PLXNA2: variants seen among roughly 807,000 people sequenced by gnomAD.
PLXNA2 encodes plexin A2.
In PLXNA2, 91 loss-of-function variants were observed where a neutral mutation model predicts 193.5. The ratio of observed to expected loss-of-function variants is 0.47; its 90% CI spans 0.40 to 0.56. The LOEUF (loss-of-function observed/expected upper bound fraction) is 0.56, where lower values mean the gene tolerates loss of function less well. PLXNA2 is among the 20% of genes least tolerant of loss of function. The probability of loss-of-function intolerance (pLI) is 0.00; values close to 1 mark genes in which losing one functional copy is unlikely to be tolerated. For synonymous variants in PLXNA2, 997 were observed against 1,027.3 expected (o/e 0.97, Z 0.56); for missense variants, 1,995 against 2,503.2 (o/e 0.80, Z 4.33).
intron 4 of PLXNA2, among the ~76,000 whole-genome samples, chr1:208,120,038 G>T (rs1335197176): frequency 1.3e-5 from 2 of 152,190 alleles, no homozygotes; most frequent in African/African-American, 2.4e-5. Flanking sequence ...TGGGGACAGG[G>T]GTCACTGGCC....
At chr1:208,168,410 A>G (rs1669377584) in intron 3 of PLXNA2, among the ~76,000 whole-genome samples, 1 of 152,232 alleles carries the variant, frequency 6.6e-6, no homozygotes, top group Non-Finnish European at 1.5e-5. Flanking sequence ...TCACTGATGT[A>G]TTCCTAACAT....
chr1:208,116,822 G>T (rs1416901837), intron 4 of PLXNA2, among the ~76,000 whole-genome samples: 1 of 152,128 alleles, frequency 6.6e-6, no homozygotes, highest in Non-Finnish European at 1.5e-5. Context: ...CAAGATTCAG[G>T]TTCATGATTC....
intron 24 of PLXNA2, 45 bp from the exon 25 acceptor site, chr1:208,039,029 G>A (rs748290518): frequency 3.6e-5 from 57 of 1,577,286 alleles, no homozygotes; most frequent in South Asian, 6.8e-5. Context: ...AGTTGAAGGA[G>A]TAGTTTGAGG....
chr1:208,031,187 C>G, intron 29 of PLXNA2: 1 of 1,033,128 alleles, frequency 9.7e-7, no homozygotes, highest in Non-Finnish European at 1.2e-6. Context: ...TTAGAACTGC[C>G]CCACTCAGAA....
rs1664900003 is a variant in PLXNA2 at position 208,042,372 on chromosome 1, G to T, written c.4018-6C>A. On this transcript the variant is annotated splice_polypyrimidine_tract_variant and splice_region_variant and intron_variant, in intron 21 of 31. Coordinates refer to ENST00000367033, the MANE Select transcript of PLXNA2 (RefSeq NM_025179.4). ...TGCTGCCCGTTTCCTTGTACCTGGG[G>T]TGGGGTGTGGTGGAGGCGACGCCCT... The T allele has an allele frequency of 1.2e-6, 2 of 1,611,384 alleles. No individual in the cohort carries two copies. Among genetic ancestry groups the T allele is most frequent in the South Asian group, 2.2e-5 (2 of 90,830 alleles).
chr1:208,133,525 T>C (rs1193063462), intron 4 of PLXNA2, among the ~76,000 whole-genome samples: 1 of 152,244 alleles, frequency 6.6e-6, no homozygotes. Flanking sequence ...TATCTACATA[T>C]GCAAATGACT....
chr1:208,055,744 G>T (rs180968334), intron 13 of PLXNA2, among the ~76,000 whole-genome samples: 2 of 152,236 alleles, frequency 1.3e-5, no homozygotes, highest in Non-Finnish European at 2.9e-5. Flanking sequence ...ATTTCATTTC[G>T]ATGTAATAAA....
chr1:208,056,533 G>A (rs1402324130), intron 13 of PLXNA2, among the ~76,000 whole-genome samples: 1 of 152,234 alleles, frequency 6.6e-6, no homozygotes, highest in Non-Finnish European at 1.5e-5. Context: ...AGCTGCCCCT[G>A]TGTGGAGCTA....
intron 7 of PLXNA2, among the ~76,000 whole-genome samples, chr1:208,096,398 C>T (rs1666888354): frequency 6.6e-6 from 1 of 152,144 alleles, no homozygotes; most frequent in African/African-American, 2.4e-5. Context: ...TGTTCCATTA[C>T]TGAAAGGATT....
chr1:208,182,031 C>T (rs893046284), intron 3 of PLXNA2, among the ~76,000 whole-genome samples: 33 of 111,288 alleles, frequency 3.0e-4, no homozygotes, highest in African/African-American at 8.7e-4. Flanking sequence ...TCTCTTTCAC[C>T]GTGGCCTGTT....
chr1:208,144,559 A>G lies in PLXNA2; in HGVS notation c.1372-2096T>C, dbSNP rs984078658. Among the ~76,000 whole-genome samples, 5 of 152,160 alleles carry G rather than the reference A, an allele frequency of 3.3e-5. 1 individual carries two copies. Among genetic ancestry groups the G allele is most frequent in the Admixed American group, 3.3e-4 (5 of 15,286 alleles). On this transcript the variant is annotated intron_variant, in intron 3 of 31. Coordinates refer to ENST00000367033, the MANE Select transcript of PLXNA2 (RefSeq NM_025179.4). ...CCTTGTGCTATACCCCACGGATGAA[A>G]ATGGTAGGTCAGGGTCTAGAGGCAA... is the stretch of plus-strand genomic sequence containing the variant.
In PLXNA2 at chr1:208,136,902, A is replaced by G. The variant is rs143457660; in HGVS notation, c.1506+5427T>C. On this transcript the variant is annotated intron_variant, in intron 4 of 31. Coordinates refer to ENST00000367033, the MANE Select transcript of PLXNA2 (RefSeq NM_025179.4). The stretch of plus-strand genomic sequence containing the variant: ...ATTACCACCACCTTTTGAAAACACT[A>G]TGTGTCAGACATGATGCTGGGTGAT... 1.8e-3 allele frequency among the ~76,000 whole-genome samples: 279 copies of G among 152,310 alleles called. 2 individuals are homozygous for G. In the Middle Eastern group the frequency reaches 0.021, roughly 11 times the overall value.
intron 8 of PLXNA2, 50 bp from the exon 9 acceptor site, chr1:208,092,950 A>C: frequency 7.8e-7 from 1 of 1,284,888 alleles, no homozygotes; most frequent in African/African-American, 1.5e-5. Flanking sequence ...CAAAGAGGGA[A>C]GGTGGCATGT....
At position 208,044,173 on chromosome 1, in the gene PLXNA2, T is replaced by C. The variant is rs945874925; in HGVS notation, c.3874+335A>G. Among the ~76,000 whole-genome samples the C allele has an allele frequency of 6.6e-6, 1 of 152,176 alleles. No individual in the cohort carries two copies. The highest frequency in any genetic ancestry group is 1.5e-5 in the Non-Finnish European group (1 of 68,034). ...AAGAGCTGGACACTCCCATGGGGGA[T>C]CTAGAGTCTGGGGCTGTGGAGCCTG... On this transcript the variant is annotated intron_variant, in intron 20 of 31. Coordinates refer to ENST00000367033, the MANE Select transcript of PLXNA2 (RefSeq NM_025179.4). The surrounding 1 kb of genome is among the most constrained non-coding windows in gnomAD (Gnocchi z 4.9).
chr1:208,089,006 T>G (rs935132251), intron 9 of PLXNA2, among the ~76,000 whole-genome samples: 1 of 152,222 alleles, frequency 6.6e-6, no homozygotes. Flanking sequence ...ATCCACTTCA[T>G]AGAGTACTTA....
chr1:208,028,693 G>A lies in PLXNA2; in HGVS notation c.5438+137C>T, dbSNP rs1342575877. ...AGCCACCCTTCCTCCCGCAGCAGGGGGTGTGGCAGGGAGGGGAGTGGGAGG... is the reference window on the plus strand; with the variant it reads ...AGCCACCCTTCCTCCCGCAGCAGGGAGTGTGGCAGGGAGGGGAGTGGGAGG... On this transcript the variant is annotated intron_variant, in intron 30 of 31. Coordinates refer to ENST00000367033, the MANE Select transcript of PLXNA2 (RefSeq NM_025179.4). This position sits in a 1 kb window ranked among gnomAD's most constrained non-coding sequence, Gnocchi z 4.2. The A allele has an allele frequency of 1.4e-6, 1 of 717,270 alleles. No homozygotes were observed. Among genetic ancestry groups the A allele is most frequent in the African/African-American group, 1.8e-5 (1 of 56,366 alleles). The allele number at this position is 717,270 out of a possible 1,614,324, so 44.4% of individuals were successfully genotyped here. A position where few individuals can be genotyped will look rare whatever the true frequency, so the allele number is the denominator to read the frequency against.
chr1:208,034,278 CA>C (rs1221202603), intron 27 of PLXNA2, among the ~76,000 whole-genome samples: 1 of 152,160 alleles, frequency 6.6e-6, no homozygotes, highest in Non-Finnish European at 1.5e-5. Flanking sequence ...GGATATCAAA[CA>C]AAGGGCACAT....
At chr1:208,229,526 C>T (rs1671620565) in intron 1 of PLXNA2, among the ~76,000 whole-genome samples, 1 of 152,180 alleles carries the variant, frequency 6.6e-6, no homozygotes, top group Admixed American at 6.5e-5. Context: ...AACTAATACA[C>T]TTGGCTCAGG....
At chr1:208,191,344 C>T (rs765759175) in intron 3 of PLXNA2, among the ~76,000 whole-genome samples, 22 of 152,118 alleles carry the variant, frequency 1.4e-4, no homozygotes, top group Non-Finnish European at 2.8e-4. Flanking sequence ...ATCTCCTTTT[C>T]TTCTTTTAAA....
Sources: gnomAD v4.1 joint callset for allele counts (sites outside exome capture counted in the v4.1 genomes callset) on GRCh38, gnomAD v4.1.1 for gene constraint, Gnocchi (gnomAD v3.1) non-coding constraint, MANE v1.5 for transcripts, NCBI Gene and HGNC (gene_info 2026-07-23, HGNC 2026-07-21) for gene names.